The following TDRD9 variants were observed in gnomAD, a reference collection of about 807,000 sequenced individuals.
The protein encoded by TDRD9 is tudor domain containing 9, also known as ATP-dependent RNA helicase TDRD9.
A neutral mutation model predicts 172.6 loss-of-function variants in TDRD9; 124 were observed. The observed-to-expected ratio is 0.72, with a 90% CI of 0.62 to 0.83. The LOEUF (loss-of-function observed/expected upper bound fraction) is 0.83, where lower values mean the gene tolerates loss of function less well. Among genes scored for constraint, TDRD9 ranks in the 40% least tolerant of loss-of-function variants. TDRD9 has a pLI of 0.00. For synonymous variants in TDRD9, 619 were observed against 617.1 expected (o/e 1.00, Z -0.05); for missense variants, 1,479 against 1,714.1 (o/e 0.86, Z 2.42).
chr14:103,948,580 G>A (rs1238095208), intron 1 of TDRD9, among the ~76,000 whole-genome samples: 1 of 152,152 alleles, frequency 6.6e-6, no homozygotes, highest in African/African-American at 2.4e-5. Flanking sequence ...TAGCTAAAAC[G>A]TGGAAGCAAC....
In TDRD9 at chr14:103,980,633, CT is replaced by C. The variant is rs566877573; in HGVS notation, c.1011+5081del. ...GGGCGGGCCTAACTGATGTCAAGCC[CT>C]CCACAAGAGGTGGAGGAGCAGAGTC... On this transcript the variant is annotated intron_variant, in intron 7 of 35. Coordinates refer to ENST00000409874, the MANE Select transcript of TDRD9 (RefSeq NM_153046.3). The surrounding 1 kb of genome is among the most constrained non-coding windows in gnomAD (Gnocchi z 4.5). Among the ~76,000 whole-genome samples, 16 of 152,114 alleles carry C rather than the reference CT, an allele frequency of 1.1e-4. 1 individual carries two copies. The highest frequency in any genetic ancestry group is 3.9e-4 in the Admixed American group (6 of 15,274).
At chr14:104,039,173 C>A (rs1251843224) in intron 32 of TDRD9, among the ~76,000 whole-genome samples, 14 of 152,144 alleles carry the variant, frequency 9.2e-5, no homozygotes, top group Admixed American at 9.2e-4. Flanking sequence ...AAAAGAAAAG[C>A]CCCTTACGAA....
Position 103,966,707 on chromosome 14 carries a change from A to C in TDRD9, c.643-2A>C. 1 of 1,512,258 alleles carries C rather than the reference A, an allele frequency of 6.6e-7. No individual in the cohort carries two copies. Among genetic ancestry groups the C allele is most frequent in the Non-Finnish European group, 8.9e-7 (1 of 1,127,974 alleles). 93.7% of individuals were successfully genotyped at this position (1,512,258 alleles called of 1,614,324 possible). The stretch of plus-strand genomic sequence containing the variant: ...CTTTCCTTTTTCCTTCTCCAATTTT[A>C]GGTAGGGCTAGAGAAAATAGCAACA... On this transcript the variant is annotated splice_acceptor_variant, in intron 4 of 35. Coordinates refer to ENST00000409874, the MANE Select transcript of TDRD9 (RefSeq NM_153046.3). LOFTEE classifies it high-confidence loss of function.
chr14:103,952,207 TATATATATATATA>T (rs1366130417), intron 1 of TDRD9, among the ~76,000 whole-genome samples: 55 of 84,940 alleles, frequency 6.5e-4, no homozygotes, highest in East Asian at 1.2e-3. Flanking sequence ...TATATATATA[TATATATATATATA>T]TTTTTTTTTT....
intron 2 of TDRD9, among the ~76,000 whole-genome samples, chr14:103,958,806 C>T (rs188276433): frequency 1.1e-4 from 17 of 152,270 alleles, no homozygotes; most frequent in African/African-American, 3.8e-4. Flanking sequence ...AGAATAAATG[C>T]ATGTTTTAAG....
intron 32 of TDRD9, among the ~76,000 whole-genome samples, chr14:104,036,145 T>C (rs919740763): frequency 6.6e-6 from 1 of 152,238 alleles, no homozygotes; most frequent in African/African-American, 2.4e-5. Context: ...AAGATTCTTG[T>C]TATACTGTAT....
intron 7 of TDRD9, among the ~76,000 whole-genome samples, chr14:103,979,908 C>G (rs1184427656): frequency 6.7e-6 from 1 of 149,206 alleles, no homozygotes; most frequent in African/African-American, 2.5e-5. Flanking sequence ...TTGGGTCTTG[C>G]TCTGTTACCT....
At chr14:103,944,450 T>C (rs987657773) in intron 1 of TDRD9, among the ~76,000 whole-genome samples, 3 of 152,140 alleles carry the variant, frequency 2.0e-5, no homozygotes, top group Admixed American at 2.0e-4. Context: ...TGAGGGTCAA[T>C]GTGAACATCT....
intron 7 of TDRD9, among the ~76,000 whole-genome samples, chr14:103,976,104 C>T (rs745917196): frequency 3.3e-5 from 5 of 152,118 alleles, no homozygotes; most frequent in East Asian, 1.9e-4. Context: ...GCCTTCTTAG[C>T]GTCCAAATTT....
At chr14:103,943,838 A>G (rs1022011265) in intron 1 of TDRD9, among the ~76,000 whole-genome samples, 2 of 152,182 alleles carry the variant, frequency 1.3e-5, no homozygotes, top group Admixed American at 6.5e-5. Flanking sequence ...CTTGCATGTC[A>G]TGCATGACCC....
intron 34 of TDRD9, among the ~76,000 whole-genome samples, chr14:104,042,819 G>A (rs2035649106): frequency 6.6e-6 from 1 of 152,114 alleles, no homozygotes; most frequent in Admixed American, 6.6e-5. Flanking sequence ...ACAGTGTCCT[G>A]TGCTGGCTGG....
At position 103,995,787 on chromosome 14, in the gene TDRD9, C is replaced by T. The variant is rs368949831; in HGVS notation, c.1358C>T (p.Thr453Ile). ...ACCAATATTGCAGAGAGTTCTGTCACAGTTCCAGATGTCAAATATGGTAAG... is the reference window on the plus strand; with the variant it reads ...ACCAATATTGCAGAGAGTTCTGTCATAGTTCCAGATGTCAAATATGGTAAG... ...LSTNIAESSV[T>I]VPDVKYVIDF... Residue 453 changes from threonine to isoleucine, a missense_variant, in exon 12 of 36, where the codon ACA (threonine) becomes ATA (isoleucine). Physicochemically the swap from Thr to Ile is moderately conservative, Grantham distance 89. Coordinates refer to ENST00000409874, the MANE Select transcript of TDRD9 (RefSeq NM_153046.3). The T allele has an allele frequency of 1.2e-5, 19 of 1,609,330 alleles. No individual in the cohort carries two copies. Among genetic ancestry groups the T allele is most frequent in the Non-Finnish European group, 1.6e-5 (19 of 1,178,034 alleles).
intron 35 of TDRD9, among the ~76,000 whole-genome samples, chr14:104,050,777 G>T (rs933456393): frequency 1.3e-5 from 2 of 152,168 alleles, no homozygotes; most frequent in Admixed American, 6.5e-5. Flanking sequence ...CATCAGGCTC[G>T]GTTGGAGTGT....
chr14:103,943,491 A>G (rs1273765077), intron 1 of TDRD9, among the ~76,000 whole-genome samples: 1 of 150,330 alleles, frequency 6.7e-6, no homozygotes, highest in Admixed American at 6.6e-5. Flanking sequence ...TAATACACAC[A>G]TATATACACA....
chr14:103,938,412 GTGTATA>G (rs1466614288), intron 1 of TDRD9, among the ~76,000 whole-genome samples: 27 of 73,038 alleles, frequency 3.7e-4, no homozygotes, highest in African/African-American at 1.6e-3. Flanking sequence ...GTGTGTGTGT[GTGTATA>G]TATATATATA....
At chr14:103,992,542 T>C (rs2033905063) in intron 9 of TDRD9, among the ~76,000 whole-genome samples, 1 of 152,146 alleles carries the variant, frequency 6.6e-6, no homozygotes, top group Non-Finnish European at 1.5e-5. Context: ...AGTAGAGCCA[T>C]GTTGATACTG....
At chr14:104,001,822 C>T (rs1052440620) in intron 13 of TDRD9, among the ~76,000 whole-genome samples, 23 of 151,936 alleles carry the variant, frequency 1.5e-4, no homozygotes, top group Admixed American at 4.6e-4. Context: ...TTGGCCAGGA[C>T]GGTCTCCATC....
intron 9 of TDRD9, 30 bp from the exon 10 acceptor site, chr14:103,994,302 A>G (rs1402018981): frequency 6.2e-7 from 1 of 1,600,092 alleles, no homozygotes; most frequent in Admixed American, 1.7e-5. Flanking sequence ...AAACATGTTT[A>G]TTTCCCTCCT....
chr14:104,035,307 T>G (rs2035418042), intron 32 of TDRD9, among the ~76,000 whole-genome samples: 1 of 151,968 alleles, frequency 6.6e-6, no homozygotes, highest in African/African-American at 2.4e-5. Flanking sequence ...AGGGGTAAAA[T>G]AAATTAAAAA....
Sources: allele counts gnomAD v4.1 joint callset (sites outside exome capture counted in the v4.1 genomes callset), GRCh38; gene constraint gnomAD v4.1.1; non-coding constraint Gnocchi (gnomAD v3.1); transcripts MANE v1.5; gene names NCBI Gene and HGNC (gene_info 2026-07-23, HGNC 2026-07-21).